CAST: variants seen among roughly 807,000 people sequenced by gnomAD.
CAST encodes the protein calpastatin, also known as MIR583 host.
A neutral mutation model predicts 119.6 loss-of-function variants in CAST; 76 were observed. The ratio of observed to expected loss-of-function variants is 0.64; its 90% CI spans 0.53 to 0.77. The LOEUF (loss-of-function observed/expected upper bound fraction) is 0.77, where lower values mean the gene tolerates loss of function less well. CAST is among the 30% of genes least tolerant of loss of function. The pLI, the probability that CAST is intolerant of heterozygous loss-of-function variation, is 0.00. For missense variants in CAST, 953 were observed against 946.5 expected (o/e 1.01, Z -0.09); for synonymous variants, 319 against 331.6 (o/e 0.96, Z 0.41).
the CAST span, among the ~76,000 whole-genome samples, chr5:96,062,151 T>C: frequency 1.3e-5 from 2 of 152,102 alleles, no homozygotes; most frequent in African/African-American, 2.4e-5. Flanking sequence ...CAGCTCAGGA[T>C]TGGCATAACA....
chr5:96,475,999 A>G, the CAST span, among the ~76,000 whole-genome samples: 1 of 152,352 alleles, frequency 6.6e-6, no homozygotes, highest in Middle Eastern at 3.4e-3. Context: ...TTCATATACC[A>G]GGACTCCATT....
chr5:96,392,894 T>G, the CAST span: 1,785 of 1,118,576 alleles, frequency 1.6e-3, 7 homozygotes, highest in Middle Eastern at 5.1e-3. Context: ...CCACAAAGGA[T>G]ATTATAAGCA....
the CAST span, among the ~76,000 whole-genome samples, chr5:96,028,567 A>G: frequency 6.6e-6 from 1 of 152,048 alleles, no homozygotes; most frequent in Non-Finnish European, 1.5e-5. Flanking sequence ...ATGGATAAAA[A>G]CTGAAACAGA....
the CAST span, among the ~76,000 whole-genome samples, chr5:96,369,808 C>T: frequency 2.6e-5 from 4 of 152,078 alleles, no homozygotes; most frequent in African/African-American, 9.7e-5. Context: ...CTTCTAAGCT[C>T]TCTTCACTGC....
intron 1 of CAST, among the ~76,000 whole-genome samples, chr5:96,542,003 T>C (rs559383548): frequency 9.9e-5 from 15 of 152,206 alleles, no homozygotes; most frequent in African/African-American, 2.7e-4. Flanking sequence ...TGCGGGATCA[T>C]ATGTTAAGAC....
At chr5:96,140,009 T>C in the CAST span, among the ~76,000 whole-genome samples, 5 of 152,338 alleles carry the variant, frequency 3.3e-5, no homozygotes, top group African/African-American at 1.2e-4. Flanking sequence ...TACCATTATT[T>C]CATATTGATA....
intron 16 of CAST, among the ~76,000 whole-genome samples, chr5:96,744,691 T>C (rs1359440042): frequency 6.6e-6 from 1 of 152,050 alleles, no homozygotes; most frequent in African/African-American, 2.4e-5. Context: ...ACTTAGTGGG[T>C]CCTTTACATC....
At chr5:96,451,000 C>T in the CAST span, among the ~76,000 whole-genome samples, 4 of 152,314 alleles carry the variant, frequency 2.6e-5, no homozygotes, top group Admixed American at 2.6e-4. Context: ...GGATGTCCTG[C>T]TTCTACAGAA....
the CAST span, among the ~76,000 whole-genome samples, chr5:96,209,764 T>C: frequency 3.3e-5 from 5 of 151,494 alleles, no homozygotes; most frequent in African/African-American, 7.3e-5. Flanking sequence ...CTTTATATTT[T>C]TCCTTTTATG....
the CAST span, among the ~76,000 whole-genome samples, chr5:96,235,433 C>T: frequency 6.6e-6 from 1 of 152,182 alleles, no homozygotes; most frequent in Non-Finnish European, 1.5e-5. Context: ...AGCTTGCTAT[C>T]TGGTAGTGGC....
the CAST span, among the ~76,000 whole-genome samples, chr5:96,449,153 C>T: frequency 6.6e-6 from 1 of 152,208 alleles, no homozygotes; most frequent in Non-Finnish European, 1.5e-5. Context: ...CCCCTCTCTG[C>T]TTAACCACCA....
the CAST span, among the ~76,000 whole-genome samples, chr5:95,994,335 T>A: frequency 5.9e-5 from 9 of 152,184 alleles, no homozygotes; most frequent in African/African-American, 2.2e-4. Flanking sequence ...TATTTTGCAA[T>A]AATAGAAATA....
intron 1 of CAST, among the ~76,000 whole-genome samples, chr5:96,606,900 T>G (rs2150195290): frequency 6.6e-6 from 1 of 152,236 alleles, no homozygotes; most frequent in African/African-American, 2.4e-5. Context: ...CTTGGGGCCC[T>G]CCCCAGGCCA....
intron 10 of CAST, 107 bp downstream of exon 10, chr5:96,736,347 G>A: frequency 1.6e-6 from 1 of 626,366 alleles, no homozygotes; most frequent in Non-Finnish European, 2.7e-6. Flanking sequence ...GTAATTTAAA[G>A]GACCATTTTA....
At chr5:96,630,898 GTTGTT>G (rs1447801375) in intron 1 of CAST, 1 of 140,374 alleles carries the variant, frequency 7.1e-6, no homozygotes, top group African/African-American at 2.5e-5. Flanking sequence ...AGAAAGAAAG[GTTGTT>G]TTGTTTTGGT....
intron 6 of CAST, chr5:96,728,818 CAGT>C: frequency 5.0e-6 from 1 of 198,638 alleles, no homozygotes; most frequent in Non-Finnish European, 1.0e-5. Flanking sequence ...TCAACAAACT[CAGT>C]AGTCACATGG....
At chr5:96,398,992 CTTG>C in the CAST span, 1 of 1,612,766 alleles carries the variant, frequency 6.2e-7, no homozygotes, top group East Asian at 2.2e-5. Flanking sequence ...TTCACAAGCT[CTTG>C]TTGGAATTTC....
chr5:96,494,672 T>G, the CAST span, among the ~76,000 whole-genome samples: 4 of 152,120 alleles, frequency 2.6e-5, no homozygotes, highest in Non-Finnish European at 5.9e-5. Flanking sequence ...AGGCTGCAAA[T>G]GAACTAAGTC....
the CAST span, among the ~76,000 whole-genome samples, chr5:96,450,743 A>AT: frequency 6.6e-6 from 1 of 152,100 alleles, no homozygotes; most frequent in Admixed American, 6.5e-5. Flanking sequence ...TATCTTCTGT[A>AT]TTTTCTTTCT....
Sources: gnomAD v4.1 joint callset for allele counts (sites outside exome capture counted in the v4.1 genomes callset) on GRCh38, gnomAD v4.1.1 for gene constraint, MANE v1.5 for transcripts, NCBI Gene and HGNC (gene_info 2026-07-23, HGNC 2026-07-21) for gene names.